The following KLHL20 variants were observed in gnomAD, a reference collection of about 807,000 sequenced individuals.
KLHL20 encodes the protein kelch-like protein 20.
KLHL20 carries 29 observed loss-of-function variants against 69.5 expected under a neutral mutation model. The observed-to-expected ratio is 0.42, with a 90% CI of 0.31 to 0.57. The LOEUF is 0.57. Ranked by LOEUF, KLHL20 falls within the 20% of genes least tolerant of loss-of-function variation. The pLI, the probability that KLHL20 is intolerant of heterozygous loss-of-function variation, is 0.18. For missense variants in KLHL20, 419 were observed against 776.0 expected (o/e 0.54, Z 5.47); for synonymous variants, 253 against 265.2 (o/e 0.95, Z 0.45).
chr1:173,753,004 CA>C (rs35110902), intron 4 of KLHL20, among the ~76,000 whole-genome samples: 79 of 141,574 alleles, frequency 5.6e-4, no homozygotes, highest in Middle Eastern at 3.5e-3. Flanking sequence ...CCCGTTTCTA[CA>C]AAAAAAAAAA....
At chr1:173,717,214 A>G (rs6413827) in intron 2 of KLHL20, among the ~76,000 whole-genome samples, 52,370 of 152,128 alleles carry the variant, frequency 0.34, 9,872 homozygotes, top group African/African-American at 0.51. Flanking sequence ...CATATCTTAT[A>G]TAATTGCTAA....
chr1:173,767,184 A>G (rs1427938272), intron 8 of KLHL20, among the ~76,000 whole-genome samples: 1 of 152,106 alleles, frequency 6.6e-6, no homozygotes, highest in African/African-American at 2.4e-5. Context: ...GTTTCACTTA[A>G]TGTCCTCCAG....
In KLHL20 at chr1:173,723,910, C is replaced by G. The variant is rs1353360539; in HGVS notation, c.23+7844C>G. On this transcript the variant is annotated intron_variant, in intron 2 of 11. Transcript: ENST00000209884. ...TTACAACAACAACCTTTGTAGTAACCTGATAGGCTATACCTGTGAGATCCA... is the reference window on the plus strand; with the variant it reads ...TTACAACAACAACCTTTGTAGTAACGTGATAGGCTATACCTGTGAGATCCA... 1.9e-4 allele frequency among the ~76,000 whole-genome samples: 29 copies of G among 152,116 alleles called. 1 individual carries two copies. Among genetic ancestry groups the G allele is most frequent in the Non-Finnish European group, 1.5e-4 (10 of 68,028 alleles).
chr1:173,740,001 A>G (rs1444185659), intron 3 of KLHL20, among the ~76,000 whole-genome samples: 3 of 151,562 alleles, frequency 2.0e-5, no homozygotes, highest in Non-Finnish European at 4.4e-5. Flanking sequence ...GTTAATCTTG[A>G]TAATGGTCTA....
At chr1:173,724,818 A>G (rs1363412312) in intron 2 of KLHL20, among the ~76,000 whole-genome samples, 1 of 152,176 alleles carries the variant, frequency 6.6e-6, no homozygotes. Flanking sequence ...GAAAAGATAC[A>G]AATTTGTATC....
intron 3 of KLHL20, among the ~76,000 whole-genome samples, chr1:173,743,762 T>A (rs957341759): frequency 6.6e-6 from 1 of 152,076 alleles, no homozygotes; most frequent in Non-Finnish European, 1.5e-5. Context: ...TTTCTATGTC[T>A]TTCTTGCATG....
chr1:173,773,076 TCATCCTCC>T, intron 8 of KLHL20, among the ~76,000 whole-genome samples: 1 of 152,252 alleles, frequency 6.6e-6, no homozygotes, highest in Non-Finnish European at 1.5e-5. Flanking sequence ...AATCCCTGCC[TCATCCTCC>T]CAAGTAGCTG....
chr1:173,782,816 T>C (rs1571943857), intron 11 of KLHL20, among the ~76,000 whole-genome samples: 1 of 152,352 alleles, frequency 6.6e-6, no homozygotes, highest in African/African-American at 2.4e-5. Context: ...AATAAAGCTT[T>C]CTTAAGTAGT....
intron 3 of KLHL20, chr1:173,741,579 A>T (rs1473448490): frequency 2.3e-6 from 1 of 426,782 alleles, no homozygotes; most frequent in Non-Finnish European, 4.1e-6. Flanking sequence ...GGTAAAACAA[A>T]GCAAAATAAA....
chr1:173,784,031 A>C (rs886109517), intron 11 of KLHL20, among the ~76,000 whole-genome samples: 2 of 151,920 alleles, frequency 1.3e-5, no homozygotes, highest in Non-Finnish European at 2.9e-5. Context: ...GTGAGCCGAG[A>C]TCACACCACT....
At chr1:173,742,614 C>T (rs901346593) in intron 3 of KLHL20, among the ~76,000 whole-genome samples, 7 of 150,650 alleles carry the variant, frequency 4.6e-5, no homozygotes, top group Admixed American at 2.6e-4. Flanking sequence ...CGTATATATA[C>T]GTGCAGATAT....
chr1:173,758,639 G>A (rs1388535569), intron 7 of KLHL20, among the ~76,000 whole-genome samples: 3 of 152,310 alleles, frequency 2.0e-5, no homozygotes, highest in Admixed American at 1.3e-4. Context: ...TGCAGGAGAA[G>A]TTTCCAACTT....
At chr1:173,769,662 C>G (rs966364699) in intron 8 of KLHL20, among the ~76,000 whole-genome samples, 4 of 151,654 alleles carry the variant, frequency 2.6e-5, no homozygotes, top group Non-Finnish European at 4.4e-5. Context: ...GTGGCATACA[C>G]CTGTGGTCCC....
chr1:173,729,716 C>T (rs1012251885), intron 2 of KLHL20, among the ~76,000 whole-genome samples: 9 of 152,062 alleles, frequency 5.9e-5, no homozygotes, highest in East Asian at 1.9e-4. Context: ...ATTGATGGGA[C>T]GTATCTCAAA....
intron 3 of KLHL20, among the ~76,000 whole-genome samples, chr1:173,737,834 C>T (rs1672605997): frequency 6.6e-6 from 1 of 152,120 alleles, no homozygotes. Context: ...TGATTCTACC[C>T]ATTCATGAGC....
chr1:173,747,491 A>G (rs1028118375), intron 3 of KLHL20, among the ~76,000 whole-genome samples: 12 of 151,894 alleles, frequency 7.9e-5, no homozygotes, highest in African/African-American at 2.7e-4. Context: ...TTTCCATTTG[A>G]CTGTATATAT....
intron 3 of KLHL20, among the ~76,000 whole-genome samples, chr1:173,749,498 T>C (rs1673211883): frequency 6.6e-6 from 1 of 152,180 alleles, no homozygotes; most frequent in South Asian, 2.1e-4. Context: ...GGATAGACTT[T>C]AGTGCTAGAT....
chr1:173,734,739 A>G (rs2102473365), intron 3 of KLHL20, among the ~76,000 whole-genome samples: 1 of 152,306 alleles, frequency 6.6e-6, no homozygotes. Context: ...CATTAAACCT[A>G]TCTTTCCCTT....
At position 173,723,371 on chromosome 1, in the gene KLHL20, C is replaced by T. The variant is rs375630719; in HGVS notation, c.23+7305C>T. Among the ~76,000 whole-genome samples the T allele has an allele frequency of 3.2e-4, 49 of 152,222 alleles. 1 individual carries two copies. The highest frequency in any genetic ancestry group is 1.9e-3 in the East Asian group (10 of 5,184). ...TGTTTTAGTCTTTAAAATTGCCAAG[C>T]GTAAACAGTGATGTTTTTACCAGAT... On this transcript the variant is annotated intron_variant, in intron 2 of 11. Coordinates refer to ENST00000209884, the MANE Select transcript of KLHL20 (RefSeq NM_014458.4).
Sources: allele counts gnomAD v4.1 joint callset (sites outside exome capture counted in the v4.1 genomes callset), GRCh38; gene constraint gnomAD v4.1.1; transcripts MANE v1.5; gene names NCBI Gene and HGNC (gene_info 2026-07-23, HGNC 2026-07-21).